DACH1: variants seen among roughly 807,000 people sequenced by gnomAD.
DACH1 encodes dachshund family transcription factor 1.
DACH1 carries 12 observed loss-of-function variants against 54.2 expected under a neutral mutation model. The observed-to-expected ratio is 0.22, with a 90% confidence interval of 0.14 to 0.36. The LOEUF (loss-of-function observed/expected upper bound fraction) is 0.36. DACH1 is among the 10% of genes least tolerant of loss of function. DACH1 has a pLI of 1.00. For missense variants in DACH1, 805 were observed against 929.8 expected (o/e 0.87, Z 1.75); for synonymous variants, 386 against 366.2 (o/e 1.05, Z -0.62).
intron 1 of DACH1, among the ~76,000 whole-genome samples, chr13:71,766,641 A>C (rs1885642709): frequency 6.6e-6 from 1 of 152,198 alleles, no homozygotes. Context: ...AACTTGTAAA[A>C]TAAATAATTG....
chr13:71,467,665 A>T (rs1876712563), intron 10 of DACH1, among the ~76,000 whole-genome samples: 1 of 152,114 alleles, frequency 6.6e-6, no homozygotes, highest in Non-Finnish European at 1.5e-5. Context: ...ACCTATAATA[A>T]CTATAGAACA....
intron 10 of DACH1, among the ~76,000 whole-genome samples, chr13:71,468,844 C>T (rs1346107667): frequency 6.6e-6 from 1 of 152,032 alleles, no homozygotes; most frequent in Non-Finnish European, 1.5e-5. Context: ...GGGGTTTCCC[C>T]CAGTGTGTCT....
intron 10 of DACH1, among the ~76,000 whole-genome samples, chr13:71,469,864 G>T (rs1223487559): frequency 6.6e-6 from 1 of 152,056 alleles, no homozygotes. Flanking sequence ...AGAATATTTG[G>T]TTTTCTATGA....
chr13:71,739,341 A>C (rs1228161751), intron 1 of DACH1, among the ~76,000 whole-genome samples: 1 of 152,164 alleles, frequency 6.6e-6, no homozygotes, highest in African/African-American at 2.4e-5. Flanking sequence ...AAGGAAGATG[A>C]GCTTGTGTGT....
intron 1 of DACH1, among the ~76,000 whole-genome samples, chr13:71,715,286 T>C (rs1476521014): frequency 2.0e-5 from 3 of 152,086 alleles, no homozygotes; most frequent in African/African-American, 7.2e-5. Context: ...CACTTAACCT[T>C]TTGGTATCCA....
chr13:71,486,920 C>T (rs1021112233), intron 7 of DACH1, among the ~76,000 whole-genome samples: 1 of 152,058 alleles, frequency 6.6e-6, no homozygotes, highest in Non-Finnish European at 1.5e-5. Flanking sequence ...TCTCAGCTCA[C>T]TGCAACCTCC....
At chr13:71,462,901 CACACACACACACACAT>C (rs1403584719) in intron 10 of DACH1, among the ~76,000 whole-genome samples, 108 of 88,164 alleles carry the variant, frequency 1.2e-3, no homozygotes, top group South Asian at 2.7e-3. Flanking sequence ...CACACACACA[CACACACACACACACAT>C]AAACCATGAA....
At chr13:71,477,258 C>A (rs1181414370) in intron 8 of DACH1, among the ~76,000 whole-genome samples, 1 of 150,652 alleles carries the variant, frequency 6.6e-6, no homozygotes, top group Non-Finnish European at 1.5e-5. Context: ...GTAGCTGGGA[C>A]TACAGGCACC....
rs114761573 is a variant in DACH1 at position 71,829,455 on chromosome 13, C to T, written c.848+36467G>A. 5.3e-3 allele frequency among the ~76,000 whole-genome samples: 810 copies of T among 151,980 alleles called. 9 individuals are homozygous for T. The highest frequency in any genetic ancestry group is 0.018 in the African/African-American group (764 of 41,488). ...ACAAGAAAGTCACTGCAACTAAGTA[C>T]GTACTGGGAATAAAAATTCAACTGT... On this transcript the variant is annotated intron_variant, in intron 1 of 10. Coordinates refer to ENST00000613252, the MANE Select transcript of DACH1 (RefSeq NM_080759.6).
intron 3 of DACH1, among the ~76,000 whole-genome samples, chr13:71,609,701 AT>A (rs1875164596): frequency 6.6e-6 from 1 of 151,916 alleles, no homozygotes; most frequent in South Asian, 2.1e-4. Flanking sequence ...AACTTTGTAT[AT>A]TTTTAGTAGA....
intron 3 of DACH1, among the ~76,000 whole-genome samples, chr13:71,620,232 G>C (rs1478555914): frequency 2.6e-5 from 4 of 151,844 alleles, no homozygotes; most frequent in Admixed American, 2.6e-4. Context: ...ACAAGCAAAA[G>C]CAAGATAATC....
At chr13:71,499,779 A>G (rs1218792189) in intron 6 of DACH1, among the ~76,000 whole-genome samples, 1 of 152,152 alleles carries the variant, frequency 6.6e-6, no homozygotes, top group Non-Finnish European at 1.5e-5. Flanking sequence ...GCGCTTGCCC[A>G]TAGAAAGTGA....
intron 10 of DACH1, among the ~76,000 whole-genome samples, chr13:71,459,171 A>C (rs1482346570): frequency 6.6e-6 from 1 of 151,958 alleles, no homozygotes; most frequent in Non-Finnish European, 1.5e-5. Flanking sequence ...GCAGTACTTT[A>C]ATGCAGGATC....
chr13:71,494,148 G>A (rs1460428304), intron 6 of DACH1, among the ~76,000 whole-genome samples: 2 of 152,098 alleles, frequency 1.3e-5, no homozygotes, highest in Non-Finnish European at 2.9e-5. Context: ...CTACACATGG[G>A]TAGGGTCTGG....
At chr13:71,513,667 C>A (rs955824746) in intron 6 of DACH1, among the ~76,000 whole-genome samples, 5 of 152,052 alleles carry the variant, frequency 3.3e-5, no homozygotes. Context: ...ATGCTCTGGA[C>A]ATTGCTTGAA....
intron 6 of DACH1, among the ~76,000 whole-genome samples, chr13:71,542,683 T>C (rs1193361424): frequency 6.6e-6 from 1 of 152,118 alleles, no homozygotes; most frequent in African/African-American, 2.4e-5. Context: ...GTGTTTCATA[T>C]ATGAATTTTA....
At chr13:71,691,414 T>C (rs1017841133) in intron 1 of DACH1, among the ~76,000 whole-genome samples, 1 of 152,250 alleles carries the variant, frequency 6.6e-6, no homozygotes, top group African/African-American at 2.4e-5. Context: ...TTGAGATAAG[T>C]ACTATTACAA....
At chr13:71,587,975 G>A (rs145888708) in intron 3 of DACH1, among the ~76,000 whole-genome samples, 1 of 152,122 alleles carries the variant, frequency 6.6e-6, no homozygotes, top group African/African-American at 2.4e-5. Flanking sequence ...GGTCCTGTAG[G>A]GCTCTTCAAA....
At chr13:71,693,469 ATT>A (rs748598587) in intron 1 of DACH1, among the ~76,000 whole-genome samples, 8,667 of 118,966 alleles carry the variant, frequency 0.073, 438 homozygotes, top group East Asian at 0.22. Flanking sequence ...CGCCCGGCAA[ATT>A]TTTTTTTTTT....
Sources: gnomAD v4.1 joint callset for allele counts (sites outside exome capture counted in the v4.1 genomes callset) on GRCh38, gnomAD v4.1.1 for gene constraint, MANE v1.5 for transcripts, NCBI Gene and HGNC (gene_info 2026-07-23, HGNC 2026-07-21) for gene names.